RHBDD1: variants seen among roughly 807,000 people sequenced by gnomAD.
The protein encoded by RHBDD1 is rhomboid domain containing 1, also known as rhomboid-related protein 4.
Under a neutral mutation model 36.3 loss-of-function variants are expected in RHBDD1, and 38 were observed. The observed-to-expected ratio is 1.05, with a 90% CI of 0.81 to 1.37. The LOEUF is 1.37. RHBDD1 is among the 40% of genes most tolerant of loss of function. The probability of loss-of-function intolerance (pLI) is 0.00; values close to 1 mark genes in which losing one functional copy is unlikely to be tolerated. For missense variants in RHBDD1, 393 were observed against 377.6 expected (o/e 1.04, Z -0.34); for synonymous variants, 151 against 136.5 (o/e 1.11, Z -0.74).
intron 5 of RHBDD1, among the ~76,000 whole-genome samples, chr2:226,881,518 A>T (rs1463392399): frequency 3.9e-5 from 6 of 152,186 alleles, no homozygotes; most frequent in African/African-American, 1.4e-4. Flanking sequence ...CTACCTCATC[A>T]TTCAGATTAT....
intron 8 of RHBDD1, among the ~76,000 whole-genome samples, chr2:226,918,837 G>A (rs183806640): frequency 3.0e-4 from 45 of 152,188 alleles, no homozygotes; most frequent in South Asian, 2.5e-3. Flanking sequence ...CCTAGCAGTA[G>A]AATTGCTGGA....
the RHBDD1 span, among the ~76,000 whole-genome samples, chr2:226,814,361 G>A: frequency 1.1e-3 from 166 of 152,174 alleles, no homozygotes; most frequent in Non-Finnish European, 1.9e-3. Context: ...CAGGCATTTG[G>A]TACTCAATTA....
intron 8 of RHBDD1, among the ~76,000 whole-genome samples, chr2:226,946,679 T>C (rs138848137): frequency 7.9e-4 from 121 of 152,314 alleles, no homozygotes; most frequent in African/African-American, 2.8e-3. Flanking sequence ...CCCACAGATA[T>C]ACAGACTACT....
At chr2:226,844,225 G>A (rs1941973211) in intron 3 of RHBDD1, among the ~76,000 whole-genome samples, 1 of 152,068 alleles carries the variant, frequency 6.6e-6, no homozygotes, top group Admixed American at 6.5e-5. Context: ...TCCAACTTTG[G>A]TCACTATCAC....
intron 5 of RHBDD1, among the ~76,000 whole-genome samples, chr2:226,877,840 T>C (rs770422538): frequency 5.7e-4 from 87 of 152,358 alleles, no homozygotes; most frequent in Middle Eastern, 3.4e-3. Context: ...ACACCATGAA[T>C]ATGTGTCTGT....
intron 8 of RHBDD1, among the ~76,000 whole-genome samples, chr2:226,953,606 A>G (rs1231245307): frequency 6.6e-6 from 1 of 152,176 alleles, no homozygotes; most frequent in Non-Finnish European, 1.5e-5. Context: ...TGTTTTAACT[A>G]TAATATACAA....
chr2:226,818,202 C>T, the RHBDD1 span, among the ~76,000 whole-genome samples: 19 of 143,516 alleles, frequency 1.3e-4, no homozygotes, highest in South Asian at 4.2e-3. Context: ...CTCTGTCGCC[C>T]AGGCTGGAGT....
At chr2:226,941,804 C>A (rs1436705783) in intron 8 of RHBDD1, among the ~76,000 whole-genome samples, 1 of 152,138 alleles carries the variant, frequency 6.6e-6, no homozygotes, top group Non-Finnish European at 1.5e-5. Context: ...AACACAGGCA[C>A]CTAGAGGAAA....
chr2:226,907,949 T>A (rs1948187283), intron 6 of RHBDD1, among the ~76,000 whole-genome samples: 1 of 152,202 alleles, frequency 6.6e-6, no homozygotes, highest in Non-Finnish European at 1.5e-5. Context: ...GTTTCTTTTT[T>A]CTGTGTCTCA....
chr2:226,888,528 G>A (rs769208410), intron 5 of RHBDD1, among the ~76,000 whole-genome samples: 1 of 151,682 alleles, frequency 6.6e-6, no homozygotes, highest in African/African-American at 2.4e-5. Context: ...AAAACCTAAG[G>A]ATCAGACTAT....
the RHBDD1 span, chr2:226,811,147 A>AT: frequency 6.6e-6 from 1 of 152,092 alleles, no homozygotes; most frequent in Non-Finnish European, 1.5e-5. Context: ...GAATAGCCTC[A>AT]TTTTTTCTAT....
At chr2:226,867,130 G>A (rs2125254789) in intron 4 of RHBDD1, 56 bp from the exon 5 acceptor site, 1 of 1,489,966 alleles carries the variant, frequency 6.7e-7, no homozygotes, top group Non-Finnish European at 9.1e-7. Flanking sequence ...CTTTGTAAAT[G>A]TTGATACTCC....
At chr2:226,931,598 A>G (rs910617968) in intron 8 of RHBDD1, among the ~76,000 whole-genome samples, 2 of 152,070 alleles carry the variant, frequency 1.3e-5, no homozygotes, top group African/African-American at 4.8e-5. Context: ...ACCACTATAC[A>G]ATTCATCCAT....
intron 7 of RHBDD1, among the ~76,000 whole-genome samples, chr2:226,911,505 A>C (rs1036293389): frequency 7.7e-5 from 11 of 142,992 alleles, no homozygotes; most frequent in African/African-American, 2.6e-4. Context: ...AAGATGTATT[A>C]ATTATGTTTT....
At chr2:226,856,003 C>T (rs977425026) in intron 3 of RHBDD1, among the ~76,000 whole-genome samples, 6 of 151,886 alleles carry the variant, frequency 4.0e-5, no homozygotes, top group African/African-American at 1.5e-4. Context: ...ATTAGATAGC[C>T]GGAAAAAAAT....
chr2:226,868,097 C>A (rs768002666), intron 5 of RHBDD1, among the ~76,000 whole-genome samples: 1 of 152,166 alleles, frequency 6.6e-6, no homozygotes, highest in Non-Finnish European at 1.5e-5. Context: ...ACTTAACACT[C>A]AAAATGTGAA....
At chr2:226,897,595 G>A (rs1947212866) in intron 5 of RHBDD1, among the ~76,000 whole-genome samples, 1 of 152,192 alleles carries the variant, frequency 6.6e-6, no homozygotes, top group East Asian at 1.9e-4. Context: ...ACTCATGGTG[G>A]AAGGTGAAGG....
chr2:226,854,578 G>A (rs1943136766), intron 3 of RHBDD1, among the ~76,000 whole-genome samples: 1 of 141,470 alleles, frequency 7.1e-6, no homozygotes, highest in Admixed American at 7.3e-5. Context: ...ACCAGCCTGG[G>A]TGACAGAGCC....
At chr2:226,940,814 C>T (rs1350521365) in intron 8 of RHBDD1, among the ~76,000 whole-genome samples, 3 of 152,050 alleles carry the variant, frequency 2.0e-5, no homozygotes, top group Non-Finnish European at 4.4e-5. Flanking sequence ...TTAACTGTGA[C>T]CAGGATTACT....
Sources: gnomAD v4.1 joint callset for allele counts (sites outside exome capture counted in the v4.1 genomes callset) on GRCh38, gnomAD v4.1.1 for gene constraint, MANE v1.5 for transcripts, NCBI Gene and HGNC (gene_info 2026-07-23, HGNC 2026-07-21) for gene names.